The following TMEM8B variants were observed in gnomAD, a reference collection of about 807,000 sequenced individuals.
TMEM8B encodes transmembrane protein 8B.
In TMEM8B, 29 loss-of-function variants were observed where a neutral mutation model predicts 49.3. The ratio of observed to expected loss-of-function variants is 0.59; its 90% CI spans 0.44 to 0.80. TMEM8B has a LOEUF of 0.80. TMEM8B is among the 30% of genes least tolerant of loss of function. The pLI, the probability that TMEM8B is intolerant of heterozygous loss-of-function variation, is 0.00. For synonymous variants in TMEM8B, 264 were observed against 272.8 expected (o/e 0.97, Z 0.32); for missense variants, 575 against 658.5 (o/e 0.87, Z 1.39).
intron 10 of TMEM8B, among the ~76,000 whole-genome samples, chr9:35,849,405 A>G (rs1396675211): frequency 6.6e-6 from 1 of 152,276 alleles, no homozygotes; most frequent in African/African-American, 2.4e-5. Flanking sequence ...TAGGCAAACA[A>G]TTCAGATAAT....
Position 35,858,523 on chromosome 9 carries a change from T to C in TMEM8B, c.*4683T>C, listed in dbSNP as rs1360765524. 1.3e-5 allele frequency: 2 copies of C among 152,264 alleles called. No individual in the cohort carries two copies. Among genetic ancestry groups the C allele is most frequent in the Non-Finnish European group, 2.9e-5 (2 of 68,090 alleles). The allele number at this position is 152,264 out of a possible 1,614,324, so 9.4% of individuals were successfully genotyped here. A position where few individuals can be genotyped will look rare whatever the true frequency, so the allele number is the denominator to read the frequency against. ...CCAGAGCTTTCTTGGGACGATTAACTTGGCAGCAGCCCGTGAAGGATAGAT... is the reference window on the plus strand; with the variant it reads ...CCAGAGCTTTCTTGGGACGATTAACCTGGCAGCAGCCCGTGAAGGATAGAT... On this transcript the variant is annotated 3_prime_UTR_variant, in exon 13 of 13. Coordinates refer to ENST00000643932, the MANE Select transcript of TMEM8B (RefSeq NM_001042590.4).
chr9:35,841,690 A>G lies in TMEM8B; in HGVS notation c.1205A>G (p.Glu402Gly). 1 of 415,732 alleles carries G rather than the reference A, an allele frequency of 2.4e-6. No individual in the cohort carries two copies. Among genetic ancestry groups the G allele is most frequent in the Non-Finnish European group, 4.4e-6 (1 of 226,450 alleles). The allele number at this position is 415,732 out of a possible 1,614,324, so 25.8% of individuals were successfully genotyped here. A position where few individuals can be genotyped will look rare whatever the true frequency, so the allele number is the denominator to read the frequency against. The change falls in exon 5 of 13, where the codon GAG becomes GGG. Residue 402 changes from glutamate to glycine, a missense_variant. Transcript: ENST00000643932. This position sits in a 1 kb window ranked among gnomAD's most constrained non-coding sequence, Gnocchi z 5.9. ...ACGGASGCQL[E>G]LALPPWGHWV... The stretch of plus-strand genomic sequence containing the variant: ...GGAGGTGCCTCAGGATGCCAGCTGG[A>G]GCTGGCACTGCCCCCCTGGGGGCAC...
chr9:35,838,496 C>T (rs1042284236), intron 3 of TMEM8B, among the ~76,000 whole-genome samples: 1 of 151,904 alleles, frequency 6.6e-6, no homozygotes, highest in South Asian at 2.1e-4. Context: ...TTTCTATTCT[C>T]TTGCTTGGTG....
rs1160721712 is a variant in TMEM8B, at chr9:35,864,250, C to T, written c.*10410C>T. On this transcript the variant is annotated 3_prime_UTR_variant, in exon 13 of 13. Transcript: ENST00000643932. The stretch of plus-strand genomic sequence containing the variant: ...ACTTCCAACCTGAGGTCTGATAGAC[C>T]CAGGGTTACTTTGCAAGCTAACTGA... 6.6e-6 allele frequency: 1 copy of T among 152,136 alleles called. No individual in the cohort carries two copies. The highest frequency in any genetic ancestry group is 2.4e-5 in the African/African-American group (1 of 41,414). 9.4% of individuals were successfully genotyped at this position (152,136 alleles called of 1,614,324 possible).
In TMEM8B at chr9:35,857,694, A is replaced by T. The variant is rs1054093118; in HGVS notation, c.*3854A>T. The stretch of plus-strand genomic sequence containing the variant: ...CAGGTTTGACCAAAGTAACAGAACC[A>T]CTATGAGTGATAAAAAGATTAGACC... On this transcript the variant is annotated 3_prime_UTR_variant, in exon 13 of 13. Coordinates refer to ENST00000643932, the MANE Select transcript of TMEM8B (RefSeq NM_001042590.4). 6.6e-6 allele frequency: 1 copy of T among 152,258 alleles called. No individual in the cohort carries two copies. The highest frequency in any genetic ancestry group is 1.5e-5 in the Non-Finnish European group (1 of 68,056). The allele number at this position is 152,258 out of a possible 1,614,324, so 9.4% of individuals were successfully genotyped here.
At chr9:35,834,035 C>CACACACACAG (rs1830185925) in intron 1 of TMEM8B, among the ~76,000 whole-genome samples, 1 of 139,044 alleles carries the variant, frequency 7.2e-6, no homozygotes, top group African/African-American at 3.0e-5. Flanking sequence ...CCAAAATACA[C>CACACACACAG]ACACACACAC....
At position 35,853,731 on chromosome 9, in the gene TMEM8B, C is replaced by A; in HGVS notation, c.2666C>A (p.Ser889Tyr). 1 of 1,613,786 alleles carries A rather than the reference C, an allele frequency of 6.2e-7. No individual in the cohort carries two copies. Among genetic ancestry groups the A allele is most frequent in the Non-Finnish European group, 8.5e-7 (1 of 1,179,764 alleles). Residue 889 changes from serine (S) to tyrosine (Y), a missense_variant, in exon 13 of 13, where the codon TCT becomes TAT. Transcript: ENST00000643932. This position sits in a 1 kb window ranked among gnomAD's most constrained non-coding sequence, Gnocchi z 4.2. ...PRAKTDHGVP[S>Y]GARARGCGYQ... ...GCCAAGACTGACCACGGGGTCCCAT[C>A]TGGAGCCCGGGCCCGGGGCTGTGGT...
intron 3 of TMEM8B, among the ~76,000 whole-genome samples, chr9:35,839,614 G>T (rs1050314142): frequency 6.6e-6 from 1 of 152,206 alleles, no homozygotes; most frequent in Non-Finnish European, 1.5e-5. Context: ...CCAAAACGTG[G>T]AGCAAAGTGT....
chr9:35,853,541 C>T lies in TMEM8B; in HGVS notation c.2476C>T (p.Pro826Ser), dbSNP rs1482230936. The T allele has an allele frequency of 2.5e-6, 4 of 1,614,124 alleles. No individual in the cohort carries two copies. The Admixed American group carries it at 5.0e-5, about 20-fold the overall frequency. ...RSVRRRHCYP[P>S]TWRRWLFYLC... The stretch of plus-strand genomic sequence containing the variant: ...CGTCCGCCGCCGGCACTGCTACCCA[C>T]CCACGTGGCGCCGCTGGCTTTTCTA... The change falls in exon 13 of 13, where the codon CCC becomes TCC. Residue 826 changes from proline (P) to serine (S), a missense_variant. By Grantham distance (74) the Pro-to-Ser change is moderately conservative (BLOSUM62 -1). Transcript: ENST00000643932. The surrounding 1 kb of genome is among the most constrained non-coding windows in gnomAD (Gnocchi z 4.2).
chr9:35,839,502 G>A (rs181203260), intron 3 of TMEM8B, among the ~76,000 whole-genome samples: 19 of 152,318 alleles, frequency 1.2e-4, no homozygotes, highest in Admixed American at 1.2e-3. Flanking sequence ...GCATGAAGAG[G>A]GGGGACTGGC....
chr9:35,849,504 T>C (rs576200623), intron 10 of TMEM8B, among the ~76,000 whole-genome samples: 50 of 152,364 alleles, frequency 3.3e-4, no homozygotes, highest in African/African-American at 1.1e-3. Flanking sequence ...AGTTGATACA[T>C]GCTTTTATTC....
intron 3 of TMEM8B, among the ~76,000 whole-genome samples, chr9:35,838,440 G>A (rs1830652757): frequency 6.6e-6 from 1 of 151,728 alleles, no homozygotes; most frequent in Non-Finnish European, 1.5e-5. Flanking sequence ...TGATCTCCAG[G>A]TTGTAGTGGC....
intron 3 of TMEM8B, among the ~76,000 whole-genome samples, chr9:35,835,775 T>G (rs914371913): frequency 2.0e-5 from 3 of 152,242 alleles, no homozygotes; most frequent in African/African-American, 7.2e-5. Context: ...CTAGTGTCCA[T>G]CCTGGCCTTT....
In TMEM8B at chr9:35,864,860, G is replaced by A. The variant is rs1024873040; in HGVS notation, c.*11020G>A. 18 of 152,302 alleles carry A rather than the reference G, an allele frequency of 1.2e-4. No homozygotes were observed. Among genetic ancestry groups the A allele is most frequent in the Admixed American group, 9.8e-4 (15 of 15,288 alleles). The allele number at this position is 152,302 out of a possible 1,614,324, so 9.4% of individuals were successfully genotyped here. On this transcript the variant is annotated 3_prime_UTR_variant, in exon 13 of 13. Coordinates refer to ENST00000643932, the MANE Select transcript of TMEM8B (RefSeq NM_001042590.4). ...TTGGGAAGTGCCGAGTTCATTATGA[G>A]CAAGTGCACGGTGCTGGGATGGGCT...
At chr9:35,846,699 G>T in intron 9 of TMEM8B, 88 bp downstream of exon 9, 1 of 1,544,058 alleles carries the variant, frequency 6.5e-7, no homozygotes, top group East Asian at 2.3e-5. Flanking sequence ...AGGGGAGTGC[G>T]CAGCCTGAAT....
chr9:35,830,449 G>T (rs534869919), intron 1 of TMEM8B, among the ~76,000 whole-genome samples: 1 of 152,328 alleles, frequency 6.6e-6, no homozygotes, highest in South Asian at 2.1e-4. Flanking sequence ...TTTTCTTCTT[G>T]TAATGATTCT....
intron 10 of TMEM8B, 86 bp downstream of exon 10, chr9:35,847,081 G>T: frequency 6.2e-7 from 1 of 1,614,210 alleles, no homozygotes; most frequent in Non-Finnish European, 8.5e-7. Flanking sequence ...TTCTCCGAGG[G>T]TTTGGGAATG....
intron 3 of TMEM8B, among the ~76,000 whole-genome samples, chr9:35,838,863 G>A (rs1269284824): frequency 1.3e-5 from 2 of 152,180 alleles, no homozygotes; most frequent in African/African-American, 4.8e-5. Context: ...TAAAGAAAAA[G>A]TCTTGTTGAC....
In TMEM8B at chr9:35,854,434, T is replaced by C. The variant is rs1832419757; in HGVS notation, c.*594T>C. 6.6e-6 allele frequency: 1 copy of C among 152,540 alleles called. No individual in the cohort carries two copies. Among genetic ancestry groups the C allele is most frequent in the Non-Finnish European group, 1.5e-5 (1 of 68,146 alleles). 9.4% of individuals were successfully genotyped at this position (152,540 alleles called of 1,614,324 possible). A position where few individuals can be genotyped will look rare whatever the true frequency, so the allele number is the denominator to read the frequency against. On this transcript the variant is annotated 3_prime_UTR_variant, in exon 13 of 13. Coordinates refer to ENST00000643932, the MANE Select transcript of TMEM8B (RefSeq NM_001042590.4). The stretch of plus-strand genomic sequence containing the variant: ...CAGTGATTGATTGGTTCAGAATGGT[T>C]CTGTGATGCCTTTTTTCCCCCTGGG...
Sources: allele counts gnomAD v4.1 joint callset (sites outside exome capture counted in the v4.1 genomes callset), GRCh38; gene constraint gnomAD v4.1.1; non-coding constraint Gnocchi (gnomAD v3.1); transcripts MANE v1.5; gene names NCBI Gene and HGNC (gene_info 2026-07-23, HGNC 2026-07-21).